MKLN1: variants seen among roughly 807,000 people sequenced by gnomAD.
The protein encoded by MKLN1 is muskelin 1.
Under a neutral mutation model 99.0 loss-of-function variants are expected in MKLN1, and 18 were observed. The ratio of observed to expected loss-of-function variants is 0.18; its 90% CI spans 0.13 to 0.27. MKLN1 has a LOEUF of 0.27. Ranked by LOEUF, MKLN1 falls within the 10% of genes least tolerant of loss-of-function variation. MKLN1 has a pLI of 1.00. For missense variants in MKLN1, 621 were observed against 875.9 expected (o/e 0.71, Z 3.67); for synonymous variants, 288 against 293.2 (o/e 0.98, Z 0.18).
At chr7:131,329,428 A>T (rs142557211) in intron 1 of MKLN1, among the ~76,000 whole-genome samples, 13 of 152,314 alleles carry the variant, frequency 8.5e-5, no homozygotes, top group Non-Finnish European at 1.8e-4. Flanking sequence ...CAGTCCAGCC[A>T]TGTAGTTGGA....
chr7:131,300,905 G>A (rs1472349728), intron 3 of MKLN1, among the ~76,000 whole-genome samples: 1 of 152,194 alleles, frequency 6.6e-6, no homozygotes, highest in Non-Finnish European at 1.5e-5. Flanking sequence ...TATGCTGGCT[G>A]CCATTGCAGT....
At chr7:131,276,859 G>A (rs1431327167) in intron 3 of MKLN1, among the ~76,000 whole-genome samples, 1 of 152,180 alleles carries the variant, frequency 6.6e-6, no homozygotes, top group Non-Finnish European at 1.5e-5. Flanking sequence ...TTTTGAGGAG[G>A]AGTATTACAA....
chr7:131,463,993 T>C (rs879588008), intron 13 of MKLN1, among the ~76,000 whole-genome samples: 8 of 152,242 alleles, frequency 5.3e-5, no homozygotes, highest in Non-Finnish European at 8.8e-5. Flanking sequence ...TACATTTTTA[T>C]TGTGCATACA....
chr7:131,131,522 G>T (rs1012864555), intron 1 of MKLN1, among the ~76,000 whole-genome samples: 6 of 152,148 alleles, frequency 3.9e-5, no homozygotes, highest in African/African-American at 1.2e-4. Flanking sequence ...CCCAGCAGCT[G>T]GAGAAACAGG....
intron 12 of MKLN1, among the ~76,000 whole-genome samples, chr7:131,456,141 A>T (rs1202863564): frequency 1.3e-5 from 2 of 152,032 alleles, no homozygotes; most frequent in Non-Finnish European, 2.9e-5. Context: ...AACTATTAAT[A>T]GTTTTGCCAT....
chr7:131,406,977 T>C (rs1481574265), intron 6 of MKLN1, among the ~76,000 whole-genome samples: 1 of 152,104 alleles, frequency 6.6e-6, no homozygotes, highest in Admixed American at 6.6e-5. Flanking sequence ...CTGTTAACTA[T>C]TGTCTATTTT....
intron 3 of MKLN1, among the ~76,000 whole-genome samples, chr7:131,307,422 G>A (rs1286518068): frequency 6.6e-6 from 1 of 152,132 alleles, no homozygotes; most frequent in African/African-American, 2.4e-5. Context: ...GCCCCAGAAT[G>A]GCAGATCCAC....
intron 3 of MKLN1, among the ~76,000 whole-genome samples, chr7:131,311,755 G>GAGTAAA (rs1798567733): frequency 6.6e-6 from 1 of 151,738 alleles, no homozygotes; most frequent in African/African-American, 2.4e-5. Context: ...CTTTGATAGA[G>GAGTAAA]AGTAAACTCG....
At chr7:131,366,672 C>T (rs951955262) in intron 1 of MKLN1, among the ~76,000 whole-genome samples, 2 of 152,090 alleles carry the variant, frequency 1.3e-5, no homozygotes, top group South Asian at 2.1e-4. Context: ...ACTAGCCGGG[C>T]ATGGTGGCAG....
chr7:131,137,884 G>C (rs911241476), intron 1 of MKLN1, among the ~76,000 whole-genome samples: 37 of 149,792 alleles, frequency 2.5e-4, no homozygotes, highest in African/African-American at 8.6e-4. Context: ...CAGAACACAT[G>C]AACATTTTGG....
At chr7:131,187,920 T>G (rs1184305391) in intron 2 of MKLN1, among the ~76,000 whole-genome samples, 1 of 152,028 alleles carries the variant, frequency 6.6e-6, no homozygotes, top group Admixed American at 6.6e-5. Flanking sequence ...TGTGCCACTG[T>G]ACCCCAGCCT....
intron 8 of MKLN1, among the ~76,000 whole-genome samples, chr7:131,427,486 T>C (rs552951103): frequency 6.6e-6 from 1 of 152,192 alleles, no homozygotes; most frequent in African/African-American, 2.4e-5. Flanking sequence ...ATTGGTGGGC[T>C]TATACAACTG....
intron 3 of MKLN1, among the ~76,000 whole-genome samples, chr7:131,208,187 A>G (rs1796847906): frequency 6.6e-6 from 1 of 152,246 alleles, no homozygotes; most frequent in African/African-American, 2.4e-5. Context: ...TTTGGAAAGG[A>G]GGACACAGGA....
At chr7:131,404,744 A>G (rs6963117) in intron 6 of MKLN1, among the ~76,000 whole-genome samples, 10,512 of 151,646 alleles carry the variant, frequency 0.069, 437 homozygotes, top group East Asian at 0.2. Flanking sequence ...AGCAGGGACT[A>G]CAGGTGTGCG....
chr7:131,411,818 A>T (rs1018666008), intron 7 of MKLN1, among the ~76,000 whole-genome samples: 3 of 148,558 alleles, frequency 2.0e-5, no homozygotes, highest in Non-Finnish European at 3.0e-5. Flanking sequence ...GGGGTAGGAG[A>T]ATCACTTGAA....
rs560873981 is a variant in MKLN1 at position 131,267,511 on chromosome 7, A to C, written c.-179+64537A>C. 2.1e-4 allele frequency among the ~76,000 whole-genome samples: 32 copies of C among 152,268 alleles called. 1 individual carries two copies. The East Asian group carries it at 6.0e-3, about 28-fold the overall frequency. On this transcript the variant is annotated intron_variant, in intron 3 of 7. Transcript: ENST00000416992. The stretch of plus-strand genomic sequence containing the variant: ...CATAAGTGGGCTCAGGTTTACAATG[A>C]ACAGCCAGAAGCTATCTAGCATTTA...
chr7:131,463,348 A>G lies in MKLN1; in HGVS notation c.1657A>G (p.Ile553Val). 6.2e-7 allele frequency: 1 copy of G among 1,611,886 alleles called. No homozygotes were observed. Reference protein sequence around the residue: ...NVRNSFWIYDIVRNSWSCVYK... With the variant: ...NVRNSFWIYDVVRNSWSCVYK... ...TAGAAATTCATTCTGGATTTATGAC[A>G]TTGTGAGGAATAGTTGGTAAGGAAC... Residue 553 changes from isoleucine (I) to valine (V), a missense_variant, in exon 13 of 18, where the codon ATT becomes GTT. Ile to Val is a conservative substitution (Grantham distance 29). Around this residue, in one of 8 missense-constraint regions of MKLN1, gnomAD observed 30 missense variants for 29.3 expected, o/e 1.02. Transcript: ENST00000352689.
chr7:131,314,579 C>A (rs561887494), intron 3 of MKLN1, among the ~76,000 whole-genome samples: 1 of 151,804 alleles, frequency 6.6e-6, no homozygotes, highest in Admixed American at 6.6e-5. Context: ...CCTGCCACCA[C>A]GCCTAGCTAA....
chr7:131,366,117 AC>A (rs1326904965), intron 1 of MKLN1, among the ~76,000 whole-genome samples: 2 of 152,072 alleles, frequency 1.3e-5, no homozygotes, highest in African/African-American at 4.8e-5. Context: ...AAAGAATTAA[AC>A]CTTTCCCTTT....
Sources: allele counts gnomAD v4.1 joint callset (sites outside exome capture counted in the v4.1 genomes callset), GRCh38; gene constraint gnomAD v4.1.1; regional missense constraint gnomAD v4.1.1; transcripts MANE v1.5; gene names NCBI Gene and HGNC (gene_info 2026-07-23, HGNC 2026-07-21).